The following INPP5A variants were observed in gnomAD, a reference collection of about 807,000 sequenced individuals.
The protein encoded by INPP5A is 43 kDa inositol polyphosphate 5-phophatase.
A neutral mutation model predicts 65.2 loss-of-function variants in INPP5A; 14 were observed. That is an observed-to-expected ratio of 0.21 (90% CI 0.14 to 0.34). INPP5A has a LOEUF of 0.34. Ranked by LOEUF, INPP5A falls within the 10% of genes least tolerant of loss-of-function variation. The pLI is 1.00. For synonymous variants in INPP5A, 207 were observed against 208.3 expected, an observed-to-expected ratio of 0.99 and a Z score of 0.05; for missense variants, 431 against 545.6, an observed-to-expected ratio of 0.79 and a Z score of 2.09.
At chr10:132,746,216 C>T (rs1846369579) in intron 9 of INPP5A, among the ~76,000 whole-genome samples, 1 of 152,230 alleles carries the variant, frequency 6.6e-6, no homozygotes, top group Non-Finnish European at 1.5e-5. Context: ...AGGCTACAGC[C>T]AGCGAGGATT....
In INPP5A at chr10:132,717,578, C is replaced by T. The variant is rs150655325; in HGVS notation, c.647+7122C>T. On this transcript the variant is annotated intron_variant, in intron 8 of 15. Coordinates refer to ENST00000368594, the MANE Select transcript of INPP5A (RefSeq NM_005539.5). ...GGGTTCTGTCTGAGGGCGCCTTAGA[C>T]GGCTGTCTTGTGGGTTCTGTGGTAC... 2.6e-3 allele frequency among the ~76,000 whole-genome samples: 398 copies of T among 150,718 alleles called. 14 individuals are homozygous for T. The highest frequency in any genetic ancestry group is 0.021 in the Middle Eastern group (6 of 292).
chr10:132,711,366 A>T (rs1481838262), intron 8 of INPP5A, among the ~76,000 whole-genome samples: 1 of 152,176 alleles, frequency 6.6e-6, no homozygotes, highest in Non-Finnish European at 1.5e-5. Flanking sequence ...ACAGCCAGGC[A>T]GTCTGGGTTT....
chr10:132,571,959 C>T (rs1463248602), intron 1 of INPP5A, among the ~76,000 whole-genome samples: 2 of 152,222 alleles, frequency 1.3e-5, no homozygotes, highest in Non-Finnish European at 2.9e-5. Context: ...CTCTGTCCCC[C>T]ACTGCTGTGC....
rs1330719826 is a variant in INPP5A at position 132,650,242 on chromosome 10, C to T, written c.219-176C>T. ...AGCTCTGCACATGCTGAGAGCTGAACGTGAGGCCAGCTCCTGCGGTGGCTG... is the reference window on the plus strand; with the variant it reads ...AGCTCTGCACATGCTGAGAGCTGAATGTGAGGCCAGCTCCTGCGGTGGCTG... On this transcript the variant is annotated intron_variant, in intron 3 of 15. Coordinates refer to ENST00000368594, the MANE Select transcript of INPP5A (RefSeq NM_005539.5). The surrounding 1 kb of genome is among the most constrained non-coding windows in gnomAD (Gnocchi z 5.5). Among the ~76,000 whole-genome samples, 2 of 152,174 alleles carry T rather than the reference C, an allele frequency of 1.3e-5. No individual in the cohort carries two copies. Among genetic ancestry groups the T allele is most frequent in the Non-Finnish European group, 2.9e-5 (2 of 68,030 alleles).
Position 132,740,364 on chromosome 10 carries a change from G to A in INPP5A, c.733-9153G>A, listed in dbSNP as rs111266521. ...CCTCAGGCACGTTCAGGGCAGGAGC[G>A]GTGGGAGCCTCTTAGTGAATTCTCC... On this transcript the variant is annotated intron_variant, in intron 9 of 15. Transcript: ENST00000368594. Among the ~76,000 whole-genome samples the A allele has an allele frequency of 6.1e-4, 93 of 152,330 alleles. No individual in the cohort carries two copies. In the East Asian group the frequency reaches 0.013, roughly 22 times the overall value.
Position 132,639,424 on chromosome 10 carries a change from G to A in INPP5A, c.118-6444G>A, listed in dbSNP as rs763297439. ...GAATTGTTGACTCCTTCCTGTATGT[G>A]TGTTCTGTTACTTCTGTCCAGTTGG... is the stretch of plus-strand genomic sequence containing the variant. On this transcript the variant is annotated intron_variant, in intron 2 of 15. Transcript: ENST00000368594. Among the ~76,000 whole-genome samples, 6 of 151,814 alleles carry A rather than the reference G, an allele frequency of 4.0e-5. No individual in the cohort carries two copies. In the South Asian group the frequency reaches 1.2e-3, roughly 32 times the overall value.
Position 132,749,541 on chromosome 10 carries a change from CA to C in INPP5A, c.758del (p.Gln253ArgfsTer12), listed in dbSNP as rs1385391016. 2 of 1,612,870 alleles carry C rather than the reference CA, an allele frequency of 1.2e-6. No individual in the cohort carries two copies. Among genetic ancestry groups the C allele is most frequent in the Non-Finnish European group, 1.7e-6 (2 of 1,180,032 alleles). ...VETLCTKATM[Q>X]TVRAADTNEV... is the part of the protein sequence containing the mutation. The stretch of plus-strand genomic sequence containing the variant: ...GACGCTCTGCACAAAAGCCACCATG[CA>C]GACGGTCCGGGCCGCCGACACCAAT... On this transcript the variant is annotated frameshift_variant, in exon 10 of 16. Coordinates refer to ENST00000368594, the MANE Select transcript of INPP5A (RefSeq NM_005539.5). LOFTEE classifies it high-confidence loss of function.
intron 9 of INPP5A, among the ~76,000 whole-genome samples, chr10:132,739,617 G>A (rs1011396650): frequency 1.3e-5 from 2 of 152,238 alleles, no homozygotes; most frequent in African/African-American, 4.8e-5. Context: ...AGCGCTCTCT[G>A]GCCTTTGCTG....
chr10:132,732,902 G>A (rs753375513), intron 9 of INPP5A, among the ~76,000 whole-genome samples: 1 of 152,200 alleles, frequency 6.6e-6, no homozygotes, highest in Admixed American at 6.5e-5. Flanking sequence ...CTGTCTCCGT[G>A]TGGGGAGATT....
chr10:132,645,164 A>G (rs757244064), intron 2 of INPP5A, among the ~76,000 whole-genome samples: 2 of 151,536 alleles, frequency 1.3e-5, no homozygotes, highest in Non-Finnish European at 2.9e-5. Context: ...TTGAGTCAGA[A>G]TCCTTGCTGG....
intron 9 of INPP5A, among the ~76,000 whole-genome samples, chr10:132,732,842 T>C (rs35831787): frequency 0.21 from 32,588 of 152,052 alleles, 3,673 homozygotes; most frequent in Non-Finnish European, 0.26. Context: ...TTTGCTCATC[T>C]GTTGACGTGG....
chr10:132,766,071 T>G (rs1057451707), intron 12 of INPP5A, among the ~76,000 whole-genome samples: 1 of 152,088 alleles, frequency 6.6e-6, no homozygotes, highest in African/African-American at 2.4e-5. Context: ...CGTCTGTGTG[T>G]GTGCACATGT....
chr10:132,638,356 G>A (rs144599194), intron 2 of INPP5A, among the ~76,000 whole-genome samples: 6 of 152,192 alleles, frequency 3.9e-5, no homozygotes, highest in East Asian at 1.9e-4. Flanking sequence ...TTCAGCCTCC[G>A]GACTTGCTGG....
At chr10:132,749,442 C>A in intron 9 of INPP5A, 75 bp from the exon 10 acceptor site, 2 of 1,338,724 alleles carry the variant, frequency 1.5e-6, no homozygotes, top group Non-Finnish European at 2.1e-6. Flanking sequence ...ATCCCACTGA[C>A]TCGGGGTGTC....
chr10:132,752,111 G>GTGCCCAGGAGGCGTCTGGGTGGAGGCGGC (rs71013548), intron 11 of INPP5A, among the ~76,000 whole-genome samples: 22,768 of 143,678 alleles, frequency 0.16, 1,723 homozygotes, highest in Non-Finnish European at 0.19. Context: ...GTGGAGGCGG[G>GTGCCCAGGAGGCGTCTGGGTGGAGGCGGC]TGCCCAGGAG....
chr10:132,686,365 G>C (rs150021988), intron 4 of INPP5A, among the ~76,000 whole-genome samples: 1 of 152,242 alleles, frequency 6.6e-6, no homozygotes, highest in Non-Finnish European at 1.5e-5. Context: ...TTATCAATAC[G>C]TAAAAAGTAT....
intron 2 of INPP5A, among the ~76,000 whole-genome samples, chr10:132,621,515 G>A (rs1468254617): frequency 6.6e-6 from 1 of 152,164 alleles, no homozygotes; most frequent in Non-Finnish European, 1.5e-5. Context: ...TGAAGCAGGG[G>A]AGGGGGCTTT....
chr10:132,580,498 C>T (rs564594001), intron 1 of INPP5A, among the ~76,000 whole-genome samples: 3 of 152,356 alleles, frequency 2.0e-5, no homozygotes, highest in South Asian at 4.1e-4. Flanking sequence ...CTCTATTCTC[C>T]ATGAATTACC....
rs3750578 is a variant in INPP5A, at chr10:132,749,862, A to T, written c.903+17A>T. 4.3e-6 allele frequency: 7 copies of T among 1,609,868 alleles called. No homozygotes were observed. The South Asian group carries it at 7.7e-5, about 18-fold the overall frequency. ...GGCACCGCGGTGAGTTTGTGGTCCA[A>T]TGTGGCAGCTCCCCCGTCCTGGGAC... On this transcript the variant is annotated intron_variant, in intron 11 of 15. Coordinates refer to ENST00000368594, the MANE Select transcript of INPP5A (RefSeq NM_005539.5).
Sources: gnomAD v4.1 joint callset for allele counts (sites outside exome capture counted in the v4.1 genomes callset) on GRCh38, gnomAD v4.1.1 for gene constraint, Gnocchi (gnomAD v3.1) non-coding constraint, MANE v1.5 for transcripts, NCBI Gene and HGNC (gene_info 2026-07-23, HGNC 2026-07-21) for gene names.